HOATZ: variants seen among roughly 807,000 people sequenced by gnomAD.
HOATZ encodes HOATZ cilia and flagella associated protein.
Under a neutral mutation model 24.9 loss-of-function variants are expected in HOATZ, and 26 were observed. The ratio of observed to expected loss-of-function variants is 1.04; its 90% confidence interval spans 0.76 to 1.45. HOATZ has a LOEUF of 1.45. HOATZ is among the 40% of genes most tolerant of loss of function. The probability of loss-of-function intolerance (pLI) is 0.00; values close to 1 mark genes in which losing one functional copy is unlikely to be tolerated. For missense variants in HOATZ, 226 were observed against 201.5 expected (o/e 1.12, Z -0.74); for synonymous variants, 83 against 76.6 (o/e 1.08, Z -0.43).
In HOATZ at chr11:111,523,312, T is replaced by C. The variant is rs1002129365; in HGVS notation, c.339+7202T>C. ...TGTGATGTGCCCTATGGATAAAATATATGTATTAGATAAGCTTTATTCAGG... is the reference window on the plus strand; with the variant it reads ...TGTGATGTGCCCTATGGATAAAATACATGTATTAGATAAGCTTTATTCAGG... On this transcript the variant is annotated intron_variant, in intron 3 of 5. Coordinates refer to ENST00000375618, the MANE Select transcript of HOATZ (RefSeq NM_001100388.2). 8.6e-5 allele frequency among the ~76,000 whole-genome samples: 13 copies of C among 150,590 alleles called. 1 individual carries two copies. Among genetic ancestry groups the C allele is most frequent in the Non-Finnish European group, 1.9e-4 (13 of 67,884 alleles).
At position 111,515,546 on chromosome 11, in the gene HOATZ, A is replaced by C. The variant is rs1867181330; in HGVS notation, c.262A>C (p.Ser88Arg). Reference protein sequence around the residue: ...SHSSQSFHLASNKNRDIFAEA... With the variant: ...SHSSQSFHLARNKNRDIFAEA... ...CTCCTCGCAGTCTTTTCACCTTGCGAGTAACAGTAAGTACCAAGTTTTATG... is the reference window on the plus strand; with the variant it reads ...CTCCTCGCAGTCTTTTCACCTTGCGCGTAACAGTAAGTACCAAGTTTTATG... Residue 88 changes from serine to arginine, a missense_variant, in exon 2 of 6, where the codon AGT becomes CGT. Transcript: ENST00000375618. 1 of 1,612,672 alleles carries C rather than the reference A, an allele frequency of 6.2e-7. No individual in the cohort carries two copies. Among genetic ancestry groups the C allele is most frequent in the Non-Finnish European group, 8.5e-7 (1 of 1,178,814 alleles).
chr11:111,515,944 T>G, intron 2 of HOATZ, 96 bp from the exon 3 acceptor site: 1 of 801,814 alleles, frequency 1.2e-6, no homozygotes, highest in Non-Finnish European at 2.0e-6. Flanking sequence ...TCCTACTCTA[T>G]GTATTCCCTT....
chr11:111,516,749 T>C (rs1417749457), intron 3 of HOATZ, among the ~76,000 whole-genome samples: 1 of 151,966 alleles, frequency 6.6e-6, no homozygotes, highest in Non-Finnish European at 1.5e-5. Context: ...AAAAATCAAA[T>C]AGAATTAATT....
At chr11:111,517,123 AGTTT>A (rs1196088420) in intron 3 of HOATZ, among the ~76,000 whole-genome samples, 1 of 152,222 alleles carries the variant, frequency 6.6e-6, no homozygotes, top group Admixed American at 6.5e-5. Flanking sequence ...AATGCATTTG[AGTTT>A]GTTTATCACA....
chr11:111,528,668 G>A (rs576341719), intron 3 of HOATZ, among the ~76,000 whole-genome samples: 1 of 152,212 alleles, frequency 6.6e-6, no homozygotes, highest in African/African-American at 2.4e-5. Context: ...AGCTCCACCT[G>A]CTGTATTCTG....
At chr11:111,527,421 G>A (rs1030753474) in intron 3 of HOATZ, among the ~76,000 whole-genome samples, 1 of 152,156 alleles carries the variant, frequency 6.6e-6, no homozygotes, top group Non-Finnish European at 1.5e-5. Context: ...GTTGAGCCAA[G>A]ATCAAGCAAT....
chr11:111,524,214 T>C (rs1223579277), intron 3 of HOATZ, among the ~76,000 whole-genome samples: 1 of 152,176 alleles, frequency 6.6e-6, no homozygotes, highest in Non-Finnish European at 1.5e-5. Flanking sequence ...CTCAGACTCA[T>C]AGGTGCTGAA....
rs1867457957 is a variant in HOATZ at position 111,537,025 on chromosome 11, G to A, written c.*198G>A. On this transcript the variant is annotated 3_prime_UTR_variant, in exon 6 of 6. Coordinates refer to ENST00000375618, the MANE Select transcript of HOATZ (RefSeq NM_001100388.2). ...AAAGAAATAAAGGTTAAATATGCAGGCTTCTATGAATTCTACCAGCTATTG... is the reference window on the plus strand; with the variant it reads ...AAAGAAATAAAGGTTAAATATGCAGACTTCTATGAATTCTACCAGCTATTG... The A allele has an allele frequency of 5.7e-6, 3 of 527,850 alleles. No individual in the cohort carries two copies. Among genetic ancestry groups the A allele is most frequent in the Admixed American group, 3.2e-5 (1 of 31,652 alleles). 32.7% of individuals were successfully genotyped at this position (527,850 alleles called of 1,614,324 possible).
At position 111,516,065 on chromosome 11, in the gene HOATZ, C is replaced by A; in HGVS notation, c.294C>A (p.Ala98=). ...AAAATAGAGACATCTTTGCCGAAGCCCTAAAGATACAGGAATCTGAGGAGA... is the reference window on the plus strand; with the variant it reads ...AAAATAGAGACATCTTTGCCGAAGCACTAAAGATACAGGAATCTGAGGAGA... The part of the protein sequence containing the change: ...SNKNRDIFAE[A]LKIQESEEKV... Residue 98 remains alanine (A), a synonymous_variant, in exon 3 of 6, where the codon GCC becomes GCA. Coordinates refer to ENST00000375618, the MANE Select transcript of HOATZ (RefSeq NM_001100388.2). The A allele has an allele frequency of 6.3e-7, 1 of 1,597,476 alleles. No homozygotes were observed. The highest frequency in any genetic ancestry group is 1.1e-5 in the South Asian group (1 of 87,452).
chr11:111,515,281 T>A, intron 1 of HOATZ, among the ~76,000 whole-genome samples: 1 of 152,220 alleles, frequency 6.6e-6, no homozygotes, highest in Non-Finnish European at 1.5e-5. Flanking sequence ...GAGGAAATGC[T>A]ATGTGTTGGC....
At chr11:111,536,490 C>A in intron 5 of HOATZ, 3 of 264,634 alleles carry the variant, frequency 1.1e-5, no homozygotes, top group East Asian at 6.8e-5. Context: ...ATGGGTAAAC[C>A]AAAGAAATCA....
intron 3 of HOATZ, among the ~76,000 whole-genome samples, chr11:111,530,659 TTA>T (rs1261250233): frequency 6.6e-6 from 1 of 152,124 alleles, no homozygotes; most frequent in Non-Finnish European, 1.5e-5. Flanking sequence ...AATTGAATAA[TTA>T]TAAAGTCTTA....
At chr11:111,533,911 T>C (rs1274970698) in intron 4 of HOATZ, 106 bp downstream of exon 4, 2 of 763,734 alleles carry the variant, frequency 2.6e-6, no homozygotes, top group Middle Eastern at 2.5e-4. Context: ...CTAGCTATAG[T>C]CCAGAGCCAT....
At chr11:111,531,897 G>A (rs758316923) in intron 3 of HOATZ, among the ~76,000 whole-genome samples, 2 of 152,156 alleles carry the variant, frequency 1.3e-5, no homozygotes, top group Non-Finnish European at 2.9e-5. Flanking sequence ...TTCTTTAGCA[G>A]ATGAGCCATC....
intron 3 of HOATZ, among the ~76,000 whole-genome samples, chr11:111,529,069 A>G (rs1867368698): frequency 6.6e-6 from 1 of 152,240 alleles, no homozygotes; most frequent in African/African-American, 2.4e-5. Context: ...GAGATAACCT[A>G]TAAGGAACTC....
intron 2 of HOATZ, 110 bp from the exon 3 acceptor site, chr11:111,515,930 A>T: frequency 1.4e-6 from 1 of 692,332 alleles, no homozygotes; most frequent in Non-Finnish European, 2.4e-6. Context: ...ATTTTTGTTT[A>T]CCTTCCTACT....
At chr11:111,530,205 G>A (rs986863619) in intron 3 of HOATZ, among the ~76,000 whole-genome samples, 13 of 152,122 alleles carry the variant, frequency 8.5e-5, no homozygotes. Context: ...CTGGGATTGT[G>A]GATTCTTTGG....
At chr11:111,524,209 A>G (rs1480294601) in intron 3 of HOATZ, among the ~76,000 whole-genome samples, 1 of 152,196 alleles carries the variant, frequency 6.6e-6, no homozygotes, top group Non-Finnish European at 1.5e-5. Context: ...GAGGCCTCAG[A>G]CTCATAGGTG....
chr11:111,516,385 C>T (rs905333527), intron 3 of HOATZ, among the ~76,000 whole-genome samples: 4 of 151,782 alleles, frequency 2.6e-5, no homozygotes, highest in African/African-American at 9.7e-5. Context: ...CAGTAAGGTC[C>T]CCAACCATAT....
Sources: allele counts gnomAD v4.1 joint callset (sites outside exome capture counted in the v4.1 genomes callset), GRCh38; gene constraint gnomAD v4.1.1; transcripts MANE v1.5; gene names NCBI Gene and HGNC (gene_info 2026-07-23, HGNC 2026-07-21).